The following LDLRAD3 variants were observed in gnomAD, a reference collection of about 807,000 sequenced individuals.
LDLRAD3 encodes the protein low density lipoprotein receptor class A domain containing 3, also known as low-density lipoprotein receptor class A domain-containing protein 3.
In LDLRAD3, 20 loss-of-function variants were observed where a neutral mutation model predicts 29.4. The observed-to-expected ratio is 0.68, with a 90% confidence interval of 0.48 to 0.99. The LOEUF is 0.99. LDLRAD3 is among the 50% of genes least tolerant of loss of function. The pLI is 0.00. For missense variants in LDLRAD3, 420 were observed against 454.3 expected, an observed-to-expected ratio of 0.92 and a Z score of 0.69; for synonymous variants, 157 against 192.7, an observed-to-expected ratio of 0.81 and a Z score of 1.53.
At position 36,096,881 on chromosome 11, in the gene LDLRAD3, A is replaced by C. The variant is rs114655651; in HGVS notation, c.320-1446A>C. ...AAGCAGCTGAGGCTCAGAGAGGTGA[A>C]GTAATTTGCCCAAGATTAATAAGTG... On this transcript the variant is annotated intron_variant, in intron 3 of 5. Coordinates refer to ENST00000315571, the MANE Select transcript of LDLRAD3 (RefSeq NM_174902.4). 6.3e-3 allele frequency among the ~76,000 whole-genome samples: 957 copies of C among 152,382 alleles called. 10 individuals carry two copies. The highest frequency in any genetic ancestry group is 0.021 in the African/African-American group (885 of 41,594).
At chr11:36,132,317 T>G (rs1303484798) in intron 4 of LDLRAD3, among the ~76,000 whole-genome samples, 1 of 152,154 alleles carries the variant, frequency 6.6e-6, no homozygotes, top group Non-Finnish European at 1.5e-5. Context: ...CCCGTTTTTG[T>G]GTGAGAGAAG....
chr11:36,082,964 T>C (rs999009181), intron 3 of LDLRAD3, among the ~76,000 whole-genome samples: 1 of 152,208 alleles, frequency 6.6e-6, no homozygotes, highest in East Asian at 1.9e-4. Context: ...ATAATTATCA[T>C]TGGCTCTGAA....
chr11:36,229,612 CA>C lies in LDLRAD3; in HGVS notation c.*216del. ...ATGATCTGTTGTGCGTCTTTTCTGT[CA>C]GGTCACTCTTCCCTTGGGACCCGAG... On this transcript the variant is annotated 3_prime_UTR_variant, in exon 6 of 6. Coordinates refer to ENST00000315571, the MANE Select transcript of LDLRAD3 (RefSeq NM_174902.4). 6.4e-6 allele frequency: 3 copies of C among 471,072 alleles called. No individual in the cohort carries two copies. Among genetic ancestry groups the C allele is most frequent in the South Asian group, 9.9e-5 (2 of 20,234 alleles). 29.2% of individuals were successfully genotyped at this position (471,072 alleles called of 1,614,324 possible). A position where few individuals can be genotyped will look rare whatever the true frequency, so the allele number is the denominator to read the frequency against.
chr11:36,065,755 T>G (rs1295255102), intron 2 of LDLRAD3, among the ~76,000 whole-genome samples: 1 of 152,190 alleles, frequency 6.6e-6, no homozygotes, highest in African/African-American at 2.4e-5. Context: ...GGTGTTACAG[T>G]GGCTTATCTT....
In LDLRAD3 at chr11:35,954,262, A is replaced by G. The variant is rs115986699; in HGVS notation, c.46+10118A>G. ...TGGTACAAAATATGAATGTATATAT[A>G]TTCAGCGGAAGGAACACTGCCCAGA... On this transcript the variant is annotated intron_variant, in intron 1 of 5. Coordinates refer to ENST00000315571, the MANE Select transcript of LDLRAD3 (RefSeq NM_174902.4). Among the ~76,000 whole-genome samples, 615 of 152,346 alleles carry G rather than the reference A, an allele frequency of 4.0e-3. 7 individuals carry two copies. Among genetic ancestry groups the G allele is most frequent in the African/African-American group, 0.014 (582 of 41,574 alleles).
At position 36,230,407 on chromosome 11, in the gene LDLRAD3, A is replaced by G. The variant is rs564340701; in HGVS notation, c.*1010A>G. The G allele has an allele frequency of 1.1e-4, 17 of 152,860 alleles. No homozygotes were observed. Among genetic ancestry groups the G allele is most frequent in the African/African-American group, 4.1e-4 (17 of 41,570 alleles). The allele number at this position is 152,860 out of a possible 1,614,324, so 9.5% of individuals were successfully genotyped here. A position where few individuals can be genotyped will look rare whatever the true frequency, so the allele number is the denominator to read the frequency against. ...CTTGCAAAGTCCTTTTTACCTGTGC[A>G]TTTGGACTTGAGGACACTGGTTTCT... On this transcript the variant is annotated 3_prime_UTR_variant, in exon 6 of 6. Transcript: ENST00000315571.
chr11:35,959,470 A>T (rs1319429981), intron 1 of LDLRAD3, among the ~76,000 whole-genome samples: 1 of 152,236 alleles, frequency 6.6e-6, no homozygotes, highest in Non-Finnish European at 1.5e-5. Flanking sequence ...TATAAGATTA[A>T]CTTGGGTGCT....
At chr11:36,208,359 G>T (rs1360959355) in intron 4 of LDLRAD3, among the ~76,000 whole-genome samples, 1 of 152,208 alleles carries the variant, frequency 6.6e-6, no homozygotes, top group East Asian at 1.9e-4. Context: ...CAAGATCAAG[G>T]CGCGAGCAGG....
intron 4 of LDLRAD3, among the ~76,000 whole-genome samples, chr11:36,098,807 C>T (rs373087217): frequency 3.3e-5 from 5 of 152,294 alleles, no homozygotes; most frequent in South Asian, 4.1e-4. Context: ...GTTTCTTTCC[C>T]TTGAATTACT....
At chr11:36,101,804 G>GT (rs1413632434) in intron 4 of LDLRAD3, 2 of 262,304 alleles carry the variant, frequency 7.6e-6, no homozygotes, top group East Asian at 3.2e-4. Flanking sequence ...GCTCTATGCA[G>GT]TATTTTCCTG....
chr11:36,059,217 T>C (rs1243611869), intron 2 of LDLRAD3, among the ~76,000 whole-genome samples: 2 of 151,876 alleles, frequency 1.3e-5, no homozygotes, highest in East Asian at 1.9e-4. Context: ...AATGAGAAAA[T>C]TAGCTGGTCA....
At chr11:36,080,429 T>C (rs187484007) in intron 2 of LDLRAD3, among the ~76,000 whole-genome samples, 79 of 152,346 alleles carry the variant, frequency 5.2e-4, no homozygotes, top group Non-Finnish European at 1.0e-3. Flanking sequence ...GTCTGCCTTC[T>C]GTTGTGAAAA....
chr11:36,054,388 A>G (rs1852574444), intron 2 of LDLRAD3, among the ~76,000 whole-genome samples: 1 of 152,212 alleles, frequency 6.6e-6, no homozygotes, highest in African/African-American at 2.4e-5. Context: ...TAAAAACAAA[A>G]CAGTACCTCT....
In LDLRAD3 at chr11:36,100,998, G is replaced by A. The variant is rs528898733; in HGVS notation, c.454+2537G>A. On this transcript the variant is annotated intron_variant, in intron 4 of 5. Coordinates refer to ENST00000315571, the MANE Select transcript of LDLRAD3 (RefSeq NM_174902.4). The stretch of plus-strand genomic sequence containing the variant: ...CTTTTTCTCTCTCACCATATTCCAC[G>A]TCCCATAAATATGAGGTTTATGGAG... 2.6e-5 allele frequency among the ~76,000 whole-genome samples: 4 copies of A among 152,110 alleles called. No homozygotes were observed. The South Asian group carries it at 6.2e-4, about 24-fold the overall frequency.
intron 4 of LDLRAD3, among the ~76,000 whole-genome samples, chr11:36,207,207 T>C (rs1022416992): frequency 6.6e-6 from 1 of 152,186 alleles, no homozygotes; most frequent in Non-Finnish European, 1.5e-5. Flanking sequence ...GAGGCCTCCC[T>C]CTGTTCCTGG....
chr11:36,057,202 C>T (rs1054403331), intron 2 of LDLRAD3, among the ~76,000 whole-genome samples: 1 of 152,164 alleles, frequency 6.6e-6, no homozygotes, highest in African/African-American at 2.4e-5. Flanking sequence ...CTATGAGAAA[C>T]GCCGCCTCAC....
intron 4 of LDLRAD3, among the ~76,000 whole-genome samples, chr11:36,161,491 A>T (rs185585927): frequency 6.6e-6 from 1 of 152,200 alleles, no homozygotes; most frequent in Non-Finnish European, 1.5e-5. Flanking sequence ...TTCTAAATAC[A>T]TATCTGTAGA....
At chr11:36,166,535 T>G (rs1854518680) in intron 4 of LDLRAD3, among the ~76,000 whole-genome samples, 1 of 152,240 alleles carries the variant, frequency 6.6e-6, no homozygotes. Flanking sequence ...AAATATTTAT[T>G]TATTTTCCAC....
chr11:35,993,548 T>C (rs1443455727), intron 1 of LDLRAD3, among the ~76,000 whole-genome samples: 1 of 150,520 alleles, frequency 6.6e-6, no homozygotes, highest in Non-Finnish European at 1.5e-5. Context: ...TCATAGAAAA[T>C]GAAGAAAAGA....
Sources: gnomAD v4.1 joint callset for allele counts (sites outside exome capture counted in the v4.1 genomes callset) on GRCh38, gnomAD v4.1.1 for gene constraint, MANE v1.5 for transcripts, NCBI Gene and HGNC (gene_info 2026-07-23, HGNC 2026-07-21) for gene names.